The following NOTCH2 variants were observed in gnomAD, a reference collection of about 807,000 sequenced individuals.
The protein encoded by NOTCH2 is notch receptor 2.
A neutral mutation model predicts 235.8 loss-of-function variants in NOTCH2; 29 were observed. The observed-to-expected ratio is 0.12, with a 90% CI of 0.09 to 0.17. The LOEUF (loss-of-function observed/expected upper bound fraction) is 0.17. Ranked by LOEUF, NOTCH2 falls within the 10% of genes least tolerant of loss-of-function variation. The probability of loss-of-function intolerance (pLI) is 1.00; values close to 1 mark genes in which losing one functional copy is unlikely to be tolerated. For missense variants in NOTCH2, 2,285 were observed against 3,150.2 expected (o/e 0.73, Z 6.57); for synonymous variants, 1,086 against 1,141.5 (o/e 0.95, Z 0.98).
At chr1:119,971,950 A>G (rs1428378494) in intron 5 of NOTCH2, among the ~76,000 whole-genome samples, 1 of 151,766 alleles carries the variant, frequency 6.6e-6, no homozygotes, top group African/African-American at 2.4e-5. Context: ...TGAGGGAGTG[A>G]ATGGGGGAGG....
chr1:120,014,430 G>A (rs1179730855), intron 2 of NOTCH2, among the ~76,000 whole-genome samples: 1 of 151,770 alleles, frequency 6.6e-6, no homozygotes, highest in Non-Finnish European at 1.5e-5. Context: ...TGTCATTTCT[G>A]ACATTGAGAG....
intron 2 of NOTCH2, among the ~76,000 whole-genome samples, chr1:120,011,821 C>A (rs1553206979): frequency 6.6e-6 from 1 of 151,610 alleles, no homozygotes; most frequent in Non-Finnish European, 1.5e-5. Flanking sequence ...TCGAGACCAT[C>A]CTGGCTAACA....
chr1:120,046,158 A>AT (rs1553213589), intron 1 of NOTCH2, among the ~76,000 whole-genome samples: 2 of 139,468 alleles, frequency 1.4e-5, no homozygotes, highest in African/African-American at 5.6e-5. Context: ...GCTCAAGAGT[A>AT]TACAGTATGC....
intron 1 of NOTCH2, among the ~76,000 whole-genome samples, chr1:120,051,273 A>ACACG (rs1194422595): frequency 2.0e-5 from 2 of 102,456 alleles, no homozygotes; most frequent in Non-Finnish European, 3.5e-5. Flanking sequence ...ACACACACAC[A>ACACG]CGCACACACA....
intron 2 of NOTCH2, among the ~76,000 whole-genome samples, chr1:120,015,387 G>A (rs1553207827): frequency 6.6e-6 from 1 of 151,686 alleles, no homozygotes; most frequent in African/African-American, 2.4e-5. Context: ...ATGAGGTAAG[G>A]GCAGGGGAAA....
intron 12 of NOTCH2, among the ~76,000 whole-genome samples, chr1:119,959,169 G>C (rs1553198713): frequency 6.6e-6 from 1 of 152,112 alleles, no homozygotes; most frequent in African/African-American, 2.4e-5. Context: ...TTTTCTGGCA[G>C]CAAATAAACA....
At chr1:119,966,017 G>A (rs1173389577) in intron 9 of NOTCH2, among the ~76,000 whole-genome samples, 13 of 152,150 alleles carry the variant, frequency 8.5e-5, no homozygotes, top group Non-Finnish European at 1.8e-4. Context: ...TGGGTGAAAT[G>A]TCTAAAAATA....
At chr1:119,926,092 C>T (rs1217551425) in intron 24 of NOTCH2, among the ~76,000 whole-genome samples, 1 of 152,180 alleles carries the variant, frequency 6.6e-6, no homozygotes, top group Non-Finnish European at 1.5e-5. Context: ...CCAAATGGTT[C>T]CTGCTAAAGA....
At chr1:119,920,868 G>A (rs1338248377) in intron 29 of NOTCH2, among the ~76,000 whole-genome samples, 2 of 152,084 alleles carry the variant, frequency 1.3e-5, no homozygotes, top group African/African-American at 4.8e-5. Context: ...ACTCAACATA[G>A]CACCCAACAT....
Position 119,987,035 on chromosome 1 carries a change from G to A in NOTCH2, c.799C>T (p.His267Tyr), listed in dbSNP as rs1553202302. The change falls in exon 5 of 34, where the codon CAC becomes TAC. Residue 267 changes from histidine to tyrosine, a missense_variant. Physicochemically the swap from His to Tyr is moderately conservative, Grantham distance 83. Coordinates refer to ENST00000256646, the MANE Select transcript of NOTCH2 (RefSeq NM_024408.4). ...CAAACCCCTCCATTCTGACACCTGT[G>A]GTTAGGGCAGTCATCAATATTCCTC... The part of the protein sequence containing the change: ...CERNIDDCPN[H>Y]RCQNGGVCVD... The A allele has an allele frequency of 6.2e-7, 1 of 1,613,696 alleles. No individual in the cohort carries two copies. The highest frequency in any genetic ancestry group is 8.5e-7 in the Non-Finnish European group (1 of 1,179,710).
chr1:119,959,402 T>C lies in NOTCH2; in HGVS notation c.2016A>G (p.Pro672=), dbSNP rs369887251. 8.1e-6 allele frequency: 13 copies of C among 1,596,580 alleles called. No individual in the cohort carries two copies. The highest frequency in any genetic ancestry group is 6.7e-5 in the Admixed American group (4 of 59,974). Residue 672 remains proline, a synonymous_variant, in exon 12 of 34, where the codon CCA becomes CCG. Transcript: ENST00000256646. The part of the protein sequence containing the change: ...GINRYSCVCS[P]GFTGQRCNID... ...TAAAAGGAGCTTTACCTGTGAATCC[T>C]GGTGAGCAGACACAACTGTAGCGAT...
Position 119,955,110 on chromosome 1 carries a change from A to C in NOTCH2, c.2149T>G (p.Cys717Gly). Residue 717 changes from cysteine to glycine, a missense_variant, in exon 13 of 34, where the codon TGC becomes GGC. Coordinates refer to ENST00000256646, the MANE Select transcript of NOTCH2 (RefSeq NM_024408.4). ...AGGCATTCGTTCACCTGTGAGTAGC[A>C]GCTGGGGTGATGGGGTCCCTCGGGG... ...ICPEGPHHPS[C>G]YSQVNECLSN... is the part of the protein sequence containing the mutation. 1 of 1,614,140 alleles carries C rather than the reference A, an allele frequency of 6.2e-7. No individual in the cohort carries two copies. Among genetic ancestry groups the C allele is most frequent in the Non-Finnish European group, 8.5e-7 (1 of 1,180,004 alleles).
intron 6 of NOTCH2, 46 bp downstream of exon 6, chr1:119,969,465 C>T (rs1305283967): frequency 2.0e-6 from 3 of 1,498,548 alleles, no homozygotes; most frequent in Admixed American, 3.5e-5. Context: ...GTCCTGAATG[C>T]CCCCTGCCCC....
chr1:119,948,953 C>T, intron 16 of NOTCH2, 54 bp downstream of exon 16: 1 of 1,613,028 alleles, frequency 6.2e-7, no homozygotes, highest in African/African-American at 1.3e-5. Context: ...AACCTGACCA[C>T]TTTGTTTAAA....
chr1:119,922,524 G>T (rs1649322198), intron 27 of NOTCH2, 78 bp from the exon 28 acceptor site: 1 of 1,588,878 alleles, frequency 6.3e-7, no homozygotes, highest in South Asian at 1.1e-5. Flanking sequence ...CATTTAGAGG[G>T]CAACTTTGAC....
intron 2 of NOTCH2, among the ~76,000 whole-genome samples, chr1:120,006,114 T>G (rs1321310637): frequency 3.3e-5 from 5 of 152,220 alleles, no homozygotes; most frequent in Non-Finnish European, 7.3e-5. Context: ...TAAGCGCTTC[T>G]TTCTCTTATT....
At chr1:119,961,334 C>T (rs782700784) in intron 11 of NOTCH2, among the ~76,000 whole-genome samples, 6 of 152,318 alleles carry the variant, frequency 3.9e-5, no homozygotes, top group South Asian at 2.1e-4. Flanking sequence ...TGACTGACAA[C>T]CCTGCTTTAC....
intron 19 of NOTCH2, among the ~76,000 whole-genome samples, chr1:119,939,199 C>T (rs1649978650): frequency 6.6e-6 from 1 of 152,146 alleles, no homozygotes; most frequent in African/African-American, 2.4e-5. Context: ...ACAGATTTTT[C>T]CCCCACTCAA....
At chr1:119,995,758 G>C (rs1570726599) in intron 4 of NOTCH2, 1 of 152,184 alleles carries the variant, frequency 6.6e-6, no homozygotes, top group Non-Finnish European at 1.5e-5. Flanking sequence ...TTTCAATTAT[G>C]TGACAATGCT....
Sources: gnomAD v4.1 joint callset for allele counts (sites outside exome capture counted in the v4.1 genomes callset) on GRCh38, gnomAD v4.1.1 for gene constraint, MANE v1.5 for transcripts, NCBI Gene and HGNC (gene_info 2026-07-23, HGNC 2026-07-21) for gene names.